Variants in CA10 observed in about 807,000 individuals in gnomAD.
CA10 encodes the protein carbonic anhydrase-related protein 10.
In CA10, 14 loss-of-function variants were observed where a neutral mutation model predicts 44.2. That is an observed-to-expected ratio of 0.32 (90% CI 0.21 to 0.50). CA10 has a LOEUF of 0.50. CA10 is among the 20% of genes least tolerant of loss of function. The probability of loss-of-function intolerance (pLI) is 0.99; values close to 1 mark genes in which losing one functional copy is unlikely to be tolerated. For synonymous variants in CA10, 159 were observed against 141.6 expected (o/e 1.12, Z -0.87); for missense variants, 350 against 409.7 (o/e 0.85, Z 1.26).
At chr17:51,676,000 G>A (rs1488581774) in intron 4 of CA10, among the ~76,000 whole-genome samples, 6 of 152,226 alleles carry the variant, frequency 3.9e-5, no homozygotes, top group Non-Finnish European at 7.3e-5. Flanking sequence ...AAGGTCCTAA[G>A]TATTAATGGT....
At chr17:51,732,843 GAAAATAA>G (rs1916769546) in intron 4 of CA10, among the ~76,000 whole-genome samples, 2 of 151,514 alleles carry the variant, frequency 1.3e-5, no homozygotes, top group African/African-American at 2.4e-5. Flanking sequence ...TATATACACA[GAAAATAA>G]AAAATAAAAA....
chr17:52,146,843 G>C (rs962067461), intron 1 of CA10, among the ~76,000 whole-genome samples: 2 of 152,042 alleles, frequency 1.3e-5, no homozygotes, highest in African/African-American at 4.8e-5. Flanking sequence ...TGATGCCCAG[G>C]AAAACTTTGG....
intron 3 of CA10, among the ~76,000 whole-genome samples, chr17:51,836,840 C>T (rs1158136232): frequency 6.6e-6 from 1 of 151,908 alleles, no homozygotes; most frequent in Non-Finnish European, 1.5e-5. Context: ...GTAAATACTC[C>T]CCAAAGAGGA....
At chr17:51,671,965 A>G (rs1047519187) in intron 4 of CA10, among the ~76,000 whole-genome samples, 4 of 152,210 alleles carry the variant, frequency 2.6e-5, no homozygotes, top group African/African-American at 9.6e-5. Flanking sequence ...TAGTAAGAAG[A>G]GTTACAAATC....
chr17:52,090,328 A>AT (rs1336891215), intron 1 of CA10, among the ~76,000 whole-genome samples: 6 of 152,136 alleles, frequency 3.9e-5, no homozygotes, highest in African/African-American at 1.4e-4. Context: ...AACAAACAAG[A>AT]TTTTTTAAAA....
rs10549926 is a variant in CA10 at position 51,942,538 on chromosome 17, T to TTATATATATATATA, written c.137-11420_137-11407dup. On this transcript the variant is annotated intron_variant, in intron 2 of 8. Transcript: ENST00000451037. ...AGCCAGGAAGGAAATCTTGCAGGCA[T>TTATATATATATATA]TATATATATATATATATCTGTCATC... Among the ~76,000 whole-genome samples, 590 of 135,184 alleles carry TTATATATATATATA rather than the reference T, an allele frequency of 4.4e-3. 14 individuals carry two copies. Among genetic ancestry groups the TTATATATATATATA allele is most frequent in the African/African-American group, 0.012 (494 of 39,752 alleles). The allele number at this position is 135,184 out of a possible 152,430, so 88.7% of individuals were successfully genotyped here.
chr17:52,088,466 G>A (rs1244842652), intron 1 of CA10, among the ~76,000 whole-genome samples: 1 of 152,182 alleles, frequency 6.6e-6, no homozygotes, highest in Admixed American at 6.5e-5. Context: ...TGGAAGAACA[G>A]TTTGGCAAGC....
intron 1 of CA10, among the ~76,000 whole-genome samples, chr17:52,121,565 C>T (rs1449690624): frequency 6.6e-6 from 1 of 151,772 alleles, no homozygotes; most frequent in Non-Finnish European, 1.5e-5. Flanking sequence ...AGAAAGAGAC[C>T]TTCATTTCAA....
intron 2 of CA10, among the ~76,000 whole-genome samples, chr17:51,950,113 T>C (rs1433083165): frequency 6.6e-6 from 1 of 152,126 alleles, no homozygotes; most frequent in Non-Finnish European, 1.5e-5. Context: ...ATCATTAGCC[T>C]TGCTAAACAT....
At chr17:51,727,043 C>A (rs1916549956) in intron 4 of CA10, among the ~76,000 whole-genome samples, 1 of 152,198 alleles carries the variant, frequency 6.6e-6, no homozygotes, top group Non-Finnish European at 1.5e-5. Context: ...AGCCTTGTCT[C>A]AATGCCACCC....
chr17:52,132,613 C>A (rs1989266857), intron 1 of CA10, among the ~76,000 whole-genome samples: 1 of 152,226 alleles, frequency 6.6e-6, no homozygotes, highest in Non-Finnish European at 1.5e-5. Context: ...AATGAAGGCA[C>A]AGTGAACATG....
At chr17:51,761,355 T>C (rs2143637414) in intron 3 of CA10, 1 of 152,320 alleles carries the variant, frequency 6.6e-6, no homozygotes, top group East Asian at 1.9e-4. Flanking sequence ...CTATTGATGT[T>C]GAAACTCAGT....
At chr17:52,133,572 A>G (rs1399412153) in intron 1 of CA10, among the ~76,000 whole-genome samples, 1 of 152,178 alleles carries the variant, frequency 6.6e-6, no homozygotes. Flanking sequence ...TCATGTCAAC[A>G]TTTACAGAAC....
chr17:52,093,465 T>G, intron 1 of CA10, among the ~76,000 whole-genome samples: 1 of 152,300 alleles, frequency 6.6e-6, no homozygotes, highest in East Asian at 1.9e-4. Flanking sequence ...TTTGTTGCTG[T>G]GAATTGAAAC....
chr17:52,157,540 C>CAA (rs1555571073), intron 1 of CA10, among the ~76,000 whole-genome samples, 186 bp downstream of exon 1: 2 of 130,382 alleles, frequency 1.5e-5, no homozygotes, highest in African/African-American at 5.8e-5. Context: ...CCCCCCCCCG[C>CAA]AAAACACACA....
At chr17:51,855,333 C>T (rs73346520) in intron 3 of CA10, among the ~76,000 whole-genome samples, 4,587 of 152,084 alleles carry the variant, frequency 0.03, 223 homozygotes, top group African/African-American at 0.1. Flanking sequence ...CTATAATAGA[C>T]CTTTAAAACT....
chr17:52,153,902 C>G (rs530182923), intron 1 of CA10, among the ~76,000 whole-genome samples: 2 of 152,134 alleles, frequency 1.3e-5, no homozygotes, highest in African/African-American at 4.8e-5. Context: ...ACTGTTATCT[C>G]TTTTCTACAC....
Position 51,794,796 on chromosome 17 carries a change from T to C in CA10, c.280-46978A>G, listed in dbSNP as rs1181511655. On this transcript the variant is annotated intron_variant, in intron 3 of 8. Coordinates refer to ENST00000451037, the MANE Select transcript of CA10 (RefSeq NM_020178.5). ...ACTAAAGAGTACAACCCAGGAAATGTAGTAATTGCAGTTTAACCAAAGGCA... is the reference window on the plus strand; with the variant it reads ...ACTAAAGAGTACAACCCAGGAAATGCAGTAATTGCAGTTTAACCAAAGGCA... Among the ~76,000 whole-genome samples, 2 of 152,208 alleles carry C rather than the reference T, an allele frequency of 1.3e-5. 1 individual carries two copies. The highest frequency in any genetic ancestry group is 4.8e-5 in the African/African-American group (2 of 41,462).
chr17:51,963,641 C>T (rs892474917), intron 2 of CA10, among the ~76,000 whole-genome samples: 2 of 152,038 alleles, frequency 1.3e-5, no homozygotes, highest in African/African-American at 4.8e-5. Flanking sequence ...GAAATTCCAA[C>T]CAAGAATTCA....
Sources: gnomAD v4.1 joint callset for allele counts (sites outside exome capture counted in the v4.1 genomes callset) on GRCh38, gnomAD v4.1.1 for gene constraint, MANE v1.5 for transcripts, NCBI Gene and HGNC (gene_info 2026-07-23, HGNC 2026-07-21) for gene names.